Variants in COBL observed in about 807,000 individuals in gnomAD.
The protein encoded by COBL is protein cordon-bleu.
In COBL, 51 loss-of-function variants were observed where a neutral mutation model predicts 98.8. That is an observed-to-expected ratio of 0.52 (90% CI 0.41 to 0.65). The LOEUF is 0.65. Among genes scored for constraint, COBL ranks in the 30% least tolerant of loss-of-function variants. The pLI is 0.00. For synonymous variants in COBL, 634 were observed against 651.7 expected (o/e 0.97, Z 0.41); for missense variants, 1,617 against 1,617.5 (o/e 1.00, Z 0.01).
At chr7:51,147,932 T>G (rs1785189402) in intron 5 of COBL, among the ~76,000 whole-genome samples, 2 of 151,774 alleles carry the variant, frequency 1.3e-5, no homozygotes, top group Non-Finnish European at 2.9e-5. Flanking sequence ...TTTGCATTTT[T>G]ATTTTATTTT....
At chr7:51,255,006 G>C (rs1008174679) in intron 1 of COBL, among the ~76,000 whole-genome samples, 2 of 152,096 alleles carry the variant, frequency 1.3e-5, no homozygotes, top group Non-Finnish European at 2.9e-5. Flanking sequence ...TAAAAAGTAC[G>C]TTGTGGATAG....
intron 6 of COBL, among the ~76,000 whole-genome samples, chr7:51,118,006 C>T (rs1185814173): frequency 6.6e-6 from 1 of 152,146 alleles, no homozygotes; most frequent in Non-Finnish European, 1.5e-5. Flanking sequence ...AGAGATTTAG[C>T]CAGAATTTAT....
intron 7 of COBL, among the ~76,000 whole-genome samples, chr7:51,077,584 C>G (rs1336642662): frequency 6.6e-6 from 1 of 152,202 alleles, no homozygotes; most frequent in Non-Finnish European, 1.5e-5. Context: ...CCACTGTAAA[C>G]TAACTCTGGA....
chr7:51,062,555 A>G (rs1185198453), intron 7 of COBL, among the ~76,000 whole-genome samples: 1 of 152,162 alleles, frequency 6.6e-6, no homozygotes, highest in African/African-American at 2.4e-5. Context: ...TCTCAACTAA[A>G]CTAGACCAGT....
At chr7:51,069,479 G>A (rs1280985730) in intron 7 of COBL, among the ~76,000 whole-genome samples, 1 of 152,234 alleles carries the variant, frequency 6.6e-6, no homozygotes, top group Non-Finnish European at 1.5e-5. Flanking sequence ...GGCAAGTGCC[G>A]GCCTGTGCTC....
intron 6 of COBL, among the ~76,000 whole-genome samples, chr7:51,132,294 G>A (rs1798817320): frequency 6.6e-6 from 1 of 152,162 alleles, no homozygotes; most frequent in African/African-American, 2.4e-5. Context: ...CACACCTAAG[G>A]ACACAAGGCA....
intron 7 of COBL, among the ~76,000 whole-genome samples, chr7:51,074,016 A>T (rs1385747601): frequency 6.6e-6 from 1 of 152,106 alleles, no homozygotes; most frequent in Non-Finnish European, 1.5e-5. Flanking sequence ...ACATGAGAGT[A>T]GCTTTAAATC....
chr7:51,030,950 CTAT>C lies in COBL; in HGVS notation c.1407-44_1407-42del, dbSNP rs1415924017. On this transcript the variant is annotated intron_variant, in intron 8 of 12. Coordinates refer to ENST00000265136, the MANE Select transcript of COBL (RefSeq NM_015198.5). ...GAGAAAGGAGCACTCATTTCTCTTA[CTAT>C]TGATTTAATGTACTCCTTTCCAGGA... 1.0e-5 allele frequency: 13 copies of C among 1,300,628 alleles called. No homozygotes were observed. The South Asian group carries it at 1.5e-4, about 15-fold the overall frequency. The allele number at this position is 1,300,628 out of a possible 1,614,324, so 80.6% of individuals were successfully genotyped here.
chr7:51,057,383 T>C (rs1375674958), intron 7 of COBL, among the ~76,000 whole-genome samples: 1 of 152,082 alleles, frequency 6.6e-6, no homozygotes, highest in Non-Finnish European at 1.5e-5. Flanking sequence ...CAGGCATCCA[T>C]GGAAGGTCCT....
intron 6 of COBL, among the ~76,000 whole-genome samples, chr7:51,088,824 C>T (rs999152336): frequency 2.0e-5 from 3 of 152,150 alleles, no homozygotes; most frequent in Non-Finnish European, 4.4e-5. Context: ...CAGGGGAAGC[C>T]CAGCTCCTGC....
intron 1 of COBL, among the ~76,000 whole-genome samples, chr7:51,255,986 C>T (rs1797162674): frequency 6.6e-6 from 1 of 152,170 alleles, no homozygotes; most frequent in Admixed American, 6.5e-5. Context: ...ACCTAGCCTT[C>T]TCTCCACCAA....
In COBL at chr7:51,028,806, T is replaced by C. The variant is rs1787866748; in HGVS notation, c.2290A>G (p.Ile764Val). ...SSVPEAESQP[I>V]GKVREFWRCN... ...CTCCAGAACTCTCTGACTTTCCCAA[T>C]GGGCTGAGATTCTGCTTCAGGCACA... is the stretch of plus-strand genomic sequence containing the variant. The change falls in exon 10 of 13, where the codon ATT (isoleucine) becomes GTT (valine). Residue 764 changes from isoleucine to valine, a missense_variant. By Grantham distance (29) the Ile-to-Val change is conservative (BLOSUM62 3). Coordinates refer to ENST00000265136, the MANE Select transcript of COBL (RefSeq NM_015198.5). 4 of 1,614,188 alleles carry C rather than the reference T, an allele frequency of 2.5e-6. No individual in the cohort carries two copies. Among genetic ancestry groups the C allele is most frequent in the African/African-American group, 1.3e-5 (1 of 75,066 alleles).
At chr7:51,243,827 G>A (rs190000646) in intron 1 of COBL, among the ~76,000 whole-genome samples, 22 of 151,590 alleles carry the variant, frequency 1.5e-4, no homozygotes, top group African/African-American at 4.8e-4. Flanking sequence ...TGGCCTGCAT[G>A]GACCTTCAGG....
chr7:51,218,226 C>T (rs1448991550), intron 2 of COBL, among the ~76,000 whole-genome samples: 1 of 152,234 alleles, frequency 6.6e-6, no homozygotes, highest in East Asian at 1.9e-4. Context: ...AATGTATGCA[C>T]CCCTTTGCCA....
At chr7:51,027,359 C>T (rs1402880905) in intron 10 of COBL, among the ~76,000 whole-genome samples, 1 of 152,234 alleles carries the variant, frequency 6.6e-6, no homozygotes, top group Non-Finnish European at 1.5e-5. Context: ...TGAATTTTCT[C>T]CTCTGTTCCA....
intron 6 of COBL, among the ~76,000 whole-genome samples, chr7:51,117,371 T>C (rs1317764586): frequency 6.6e-6 from 1 of 151,982 alleles, no homozygotes; most frequent in Admixed American, 6.6e-5. Context: ...AAATAAATCT[T>C]TGGGGATCTA....
At chr7:51,187,337 C>T (rs895986946) in intron 4 of COBL, among the ~76,000 whole-genome samples, 5,590 of 141,656 alleles carry the variant, frequency 0.039, 173 homozygotes, top group Middle Eastern at 0.086. Flanking sequence ...TATATACACA[C>T]ACACACACAC....
At chr7:51,253,360 G>A (rs988854136) in intron 1 of COBL, among the ~76,000 whole-genome samples, 3 of 152,042 alleles carry the variant, frequency 2.0e-5, no homozygotes, top group Non-Finnish European at 4.4e-5. Context: ...TTGCCAGCAG[G>A]AGGCCCTGCA....
At chr7:51,302,376 G>A (rs1294656262) in intron 1 of COBL, among the ~76,000 whole-genome samples, 1 of 152,062 alleles carries the variant, frequency 6.6e-6, no homozygotes. Flanking sequence ...GAGGTCGGGA[G>A]TTCGAGACCA....
Sources: gnomAD v4.1 joint callset for allele counts (sites outside exome capture counted in the v4.1 genomes callset) on GRCh38, gnomAD v4.1.1 for gene constraint, MANE v1.5 for transcripts, NCBI Gene and HGNC (gene_info 2026-07-23, HGNC 2026-07-21) for gene names.